OSTC: variants seen among roughly 807,000 people sequenced by gnomAD.
The protein encoded by OSTC is oligosaccharyltransferase complex non-catalytic subunit.
In OSTC, 16 loss-of-function variants were observed where a neutral mutation model predicts 16.4. The ratio of observed to expected loss-of-function variants is 0.98; its 90% confidence interval spans 0.66 to 1.49. The LOEUF (loss-of-function observed/expected upper bound fraction) is 1.49. Ranked by LOEUF, OSTC falls within the 40% of genes most tolerant of loss-of-function variation. OSTC has a pLI of 0.00. For missense variants in OSTC, 139 were observed against 186.3 expected, an observed-to-expected ratio of 0.75 and a Z score of 1.48; for synonymous variants, 67 against 68.5, an observed-to-expected ratio of 0.98 and a Z score of 0.11.
At chr4:108,659,386 T>A (rs1400804918) in intron 3 of OSTC, among the ~76,000 whole-genome samples, 1 of 152,026 alleles carries the variant, frequency 6.6e-6, no homozygotes, top group Non-Finnish European at 1.5e-5. Flanking sequence ...CTGCTCCTAG[T>A]GGAAGTAAGT....
intron 3 of OSTC, among the ~76,000 whole-genome samples, chr4:108,664,983 T>G (rs1018284276): frequency 1.3e-5 from 2 of 152,176 alleles, no homozygotes; most frequent in Admixed American, 6.5e-5. Flanking sequence ...TAGATGAAAG[T>G]TCTCTTTACT....
chr4:108,660,318 T>C (rs980410927), intron 3 of OSTC, among the ~76,000 whole-genome samples: 2 of 152,232 alleles, frequency 1.3e-5, no homozygotes, highest in African/African-American at 4.8e-5. Context: ...TATGGTTCCC[T>C]TTCTGATATC....
chr4:108,667,185 A>G lies in OSTC; in HGVS notation c.432-62A>G. The stretch of plus-strand genomic sequence containing the variant: ...TGTTTTGGCATTTTGAAATACTATG[A>G]TAATAAGAGAATATAAAAACAATTC... On this transcript the variant is annotated intron_variant, in intron 3 of 3. Transcript: ENST00000361564. 2.2e-6 allele frequency: 3 copies of G among 1,387,880 alleles called. No individual in the cohort carries two copies. The South Asian group carries it at 3.8e-5, about 18-fold the overall frequency. 86.0% of individuals were successfully genotyped at this position (1,387,880 alleles called of 1,614,324 possible). A position where few individuals can be genotyped will look rare whatever the true frequency, so the allele number is the denominator to read the frequency against.
chr4:108,666,501 G>A (rs1347585030), intron 3 of OSTC, among the ~76,000 whole-genome samples: 1 of 151,974 alleles, frequency 6.6e-6, no homozygotes, highest in Non-Finnish European at 1.5e-5. Context: ...ACTGAGGTCG[G>A]GCATTTGAGA....
chr4:108,655,538 A>G (rs1295646350), intron 1 of OSTC, 26 bp from the exon 2 acceptor site: 1 of 1,388,946 alleles, frequency 7.2e-7, no homozygotes, highest in Admixed American at 1.8e-5. Context: ...AATACAATCT[A>G]ATCTGTTCTG....
At chr4:108,658,024 C>T (rs1022724693) in intron 3 of OSTC, among the ~76,000 whole-genome samples, 6 of 142,820 alleles carry the variant, frequency 4.2e-5, no homozygotes, top group Non-Finnish European at 6.0e-5. Flanking sequence ...CTCTGCCTCC[C>T]GGGCTCAAGT....
intron 3 of OSTC, among the ~76,000 whole-genome samples, chr4:108,659,227 G>A (rs150421608): frequency 1.7e-4 from 25 of 150,472 alleles, no homozygotes; most frequent in African/African-American, 4.2e-4. Flanking sequence ...TGATCGACCC[G>A]CCTCAGCCTC....
chr4:108,655,468 A>AAAAAC, intron 1 of OSTC, 96 bp from the exon 2 acceptor site: 1 of 860,954 alleles, frequency 1.2e-6, no homozygotes, highest in Non-Finnish European at 1.7e-6. Flanking sequence ...CTCTGTCTCA[A>AAAAAC]AAAAAGTAAA....
intron 2 of OSTC, among the ~76,000 whole-genome samples, chr4:108,657,208 G>A (rs1191506307): frequency 6.6e-6 from 1 of 151,958 alleles, no homozygotes; most frequent in Non-Finnish European, 1.5e-5. Context: ...AAAGATTTTT[G>A]TCTGTTTTAT....
intron 3 of OSTC, among the ~76,000 whole-genome samples, chr4:108,660,329 A>C (rs1578340890): frequency 6.6e-6 from 1 of 152,148 alleles, no homozygotes; most frequent in South Asian, 2.1e-4. Flanking sequence ...TTCTGATATC[A>C]TTTCTCATCT....
intron 3 of OSTC, among the ~76,000 whole-genome samples, chr4:108,658,221 G>A (rs933246159): frequency 4.6e-5 from 7 of 151,904 alleles, no homozygotes; most frequent in African/African-American, 1.7e-4. Context: ...CATGAGCTAC[G>A]GCGCCCAGCT....
chr4:108,659,090 T>TCAGCCTCACAAGTAGCTGGGATTACA (rs1726787040), intron 3 of OSTC, among the ~76,000 whole-genome samples: 1 of 147,904 alleles, frequency 6.8e-6, no homozygotes, highest in Non-Finnish European at 1.5e-5. Context: ...GAGATTTTCC[T>TCAGCCTCACAAGTAGCTGGGATTACA]GCCTCAGCCT....
intron 1 of OSTC, chr4:108,651,406 G>A (rs1726539267): frequency 1.3e-5 from 2 of 152,608 alleles, no homozygotes; most frequent in South Asian, 4.1e-4. Flanking sequence ...GATGAGATTT[G>A]CAGACGATAC....
intron 1 of OSTC, among the ~76,000 whole-genome samples, chr4:108,653,711 C>T (rs1417269716): frequency 6.6e-6 from 1 of 152,160 alleles, no homozygotes; most frequent in Non-Finnish European, 1.5e-5. Context: ...TTGGATATGT[C>T]ACATGTGCAG....
intron 1 of OSTC, among the ~76,000 whole-genome samples, chr4:108,654,910 C>T (rs1444598574): frequency 6.6e-6 from 1 of 152,162 alleles, no homozygotes; most frequent in Non-Finnish European, 1.5e-5. Context: ...AGAAACAAAT[C>T]TAAGCATATC....
chr4:108,661,217 CA>C (rs34609606), intron 3 of OSTC, among the ~76,000 whole-genome samples: 61,252 of 103,192 alleles, frequency 0.59, 14,885 homozygotes, highest in South Asian at 0.72. Flanking sequence ...GACTCCATCT[CA>C]AAAAAAAAAA....
intron 1 of OSTC, among the ~76,000 whole-genome samples, chr4:108,655,104 T>C (rs1352261604): frequency 6.6e-6 from 1 of 152,194 alleles, no homozygotes; most frequent in East Asian, 1.9e-4. Context: ...GAATGATTTA[T>C]CAGAACTTTA....
intron 2 of OSTC, 55 bp downstream of exon 2, chr4:108,655,712 T>C: frequency 1.6e-6 from 2 of 1,265,974 alleles, no homozygotes; most frequent in Non-Finnish European, 2.3e-6. Context: ...TGCTGTGGTA[T>C]GCCCACTTAT....
chr4:108,655,452 G>A (rs1578337843), intron 1 of OSTC, 112 bp from the exon 2 acceptor site: 4 of 609,976 alleles, frequency 6.6e-6, no homozygotes, highest in Non-Finnish European at 1.0e-5. Flanking sequence ...GGGCGACAGA[G>A]TGAGACTCTG....
Sources: gnomAD v4.1 joint callset for allele counts (sites outside exome capture counted in the v4.1 genomes callset) on GRCh38, gnomAD v4.1.1 for gene constraint, MANE v1.5 for transcripts, NCBI Gene and HGNC (gene_info 2026-07-23, HGNC 2026-07-21) for gene names.